MELK: variants seen among roughly 807,000 people sequenced by gnomAD.
The protein encoded by MELK is pEg3 kinase.
MELK carries 81 observed loss-of-function variants against 85.0 expected under a neutral mutation model. That is an observed-to-expected ratio of 0.95 (90% CI 0.80 to 1.15). MELK has a LOEUF of 1.15. Among genes scored for constraint, MELK ranks in the 50% most tolerant of loss-of-function variants. The pLI, the probability that MELK is intolerant of heterozygous loss-of-function variation, is 0.00. For synonymous variants in MELK, 252 were observed against 265.0 expected, an observed-to-expected ratio of 0.95 and a Z score of 0.48; for missense variants, 754 against 777.5, an observed-to-expected ratio of 0.97 and a Z score of 0.36.
chr9:36,579,064 G>T (rs948099496), intron 1 of MELK, among the ~76,000 whole-genome samples: 3 of 151,576 alleles, frequency 2.0e-5, no homozygotes, highest in African/African-American at 7.3e-5. Flanking sequence ...TTTCGCTCTT[G>T]TTGCCCAGGC....
At chr9:36,641,830 C>T (rs1391556794) in intron 10 of MELK, among the ~76,000 whole-genome samples, 1 of 152,122 alleles carries the variant, frequency 6.6e-6, no homozygotes, top group Non-Finnish European at 1.5e-5. Flanking sequence ...TGGTCTCCAA[C>T]TCCCAACCTA....
intron 2 of MELK, among the ~76,000 whole-genome samples, chr9:36,583,156 G>A (rs769506357): frequency 2.0e-5 from 3 of 151,816 alleles, no homozygotes; most frequent in Non-Finnish European, 4.4e-5. Context: ...TGCATTTTTA[G>A]TAGAGACGGA....
At chr9:36,592,146 C>T (rs778602819) in intron 4 of MELK, among the ~76,000 whole-genome samples, 5 of 151,728 alleles carry the variant, frequency 3.3e-5, no homozygotes, top group East Asian at 1.9e-4. Flanking sequence ...GCAACTATGC[C>T]CCACCCTAGT....
intron 13 of MELK, among the ~76,000 whole-genome samples, chr9:36,659,708 C>A (rs889162982): frequency 6.6e-6 from 1 of 152,222 alleles, no homozygotes; most frequent in Middle Eastern, 3.2e-3. Flanking sequence ...AGGCAGCTGA[C>A]AACTCTGCAT....
intron 3 of MELK, among the ~76,000 whole-genome samples, chr9:36,586,560 A>G (rs1048610583): frequency 1.3e-5 from 2 of 152,186 alleles, no homozygotes; most frequent in African/African-American, 4.8e-5. Context: ...AGAAAAAAGC[A>G]TTAAAACCAT....
intron 7 of MELK, 87 bp from the exon 8 acceptor site, chr9:36,607,488 T>C: frequency 4.1e-6 from 4 of 971,604 alleles, no homozygotes; most frequent in Non-Finnish European, 6.5e-6. Flanking sequence ...TTTGCGACAA[T>C]TCTGTGATTG....
rs1234471786 is a variant in MELK at position 36,643,033 on chromosome 9, T to C, written c.871T>C (p.Ser291Pro). The stretch of plus-strand genomic sequence containing the variant: ...CGATGATGATTGCGTAACAGAACTT[T>C]CTGTACATCACAGAAACAACAGGCA... Reference protein sequence around the residue: ...HLDDDCVTELSVHHRNNRQTM... With the variant: ...HLDDDCVTELPVHHRNNRQTM... Residue 291 changes from serine to proline, a missense_variant, in exon 11 of 18, where the codon TCT becomes CCT. Transcript: ENST00000298048. 1.2e-6 allele frequency: 2 copies of C among 1,613,004 alleles called. No individual in the cohort carries two copies. The highest frequency in any genetic ancestry group is 1.7e-4 in the Middle Eastern group (1 of 6,056).
In MELK at chr9:36,618,350, A is replaced by G. The variant is rs965924895; in HGVS notation, c.666+10677A>G. On this transcript the variant is annotated intron_variant, in intron 8 of 17. Transcript: ENST00000298048. Reference sequence around the variant, plus strand: ...TTTGAACCTGGGAGGCAGAGGTTGCAGTGAGCTGAGATTGCGCCACTGCAC... The same window carrying G: ...TTTGAACCTGGGAGGCAGAGGTTGCGGTGAGCTGAGATTGCGCCACTGCAC... Among the ~76,000 whole-genome samples, 5 of 150,670 alleles carry G rather than the reference A, an allele frequency of 3.3e-5. No homozygotes were observed. The South Asian group carries it at 8.4e-4, about 25-fold the overall frequency.
Position 36,665,386 on chromosome 9 carries a change from T to A in MELK, c.1213T>A (p.Ser405Thr). Residue 405 changes from serine to threonine, a missense_variant, in exon 14 of 18, where the codon TCT becomes ACT. Coordinates refer to ENST00000298048, the MANE Select transcript of MELK (RefSeq NM_014791.4). The part of the protein sequence containing the change: ...KYWTESNGVE[S>T]KSLTPALCRT... Reference sequence around the variant, plus strand: ...CTGGACAGAATCAAATGGGGTGGAATCTAAATCATTAACTCCAGCCTTATG... The same window carrying A: ...CTGGACAGAATCAAATGGGGTGGAAACTAAATCATTAACTCCAGCCTTATG... 6.2e-7 allele frequency: 1 copy of A among 1,613,586 alleles called. No individual in the cohort carries two copies. The highest frequency in any genetic ancestry group is 8.5e-7 in the Non-Finnish European group (1 of 1,179,738).
Position 36,665,349 on chromosome 9 carries a change from G to A in MELK, c.1177-1G>A. 6.3e-7 allele frequency: 1 copy of A among 1,576,590 alleles called. No homozygotes were observed. The highest frequency in any genetic ancestry group is 1.9e-5 in the Admixed American group (1 of 52,032). On this transcript the variant is annotated splice_acceptor_variant, in intron 13 of 17. Coordinates refer to ENST00000298048, the MANE Select transcript of MELK (RefSeq NM_014791.4). LOFTEE classifies it high-confidence loss of function. Reference sequence around the variant, plus strand: ...TTTATCTAGTAACTTTTTTTTTCCAGTTTACCAAGTACTGGACAGAATCAA... The same window carrying A: ...TTTATCTAGTAACTTTTTTTTTCCAATTTACCAAGTACTGGACAGAATCAA...
At chr9:36,615,261 T>C (rs1587440500) in intron 8 of MELK, among the ~76,000 whole-genome samples, 1 of 100,110 alleles carries the variant, frequency 1.0e-5, no homozygotes, top group African/African-American at 4.7e-5. Flanking sequence ...CCCCCCCACC[T>C]CCCTCCCAGA....
chr9:36,676,777 T>G (rs894575941), intron 17 of MELK, among the ~76,000 whole-genome samples: 2 of 152,232 alleles, frequency 1.3e-5, no homozygotes, highest in African/African-American at 4.8e-5. Context: ...ATTATCTTTC[T>G]TGCGCTTTCC....
intron 7 of MELK, among the ~76,000 whole-genome samples, chr9:36,606,327 A>G (rs1452369780): frequency 6.8e-6 from 1 of 146,372 alleles, no homozygotes; most frequent in African/African-American, 2.5e-5. Context: ...AGGTGTGTAT[A>G]TAATATATAC....
intron 3 of MELK, 37 bp downstream of exon 3, chr9:36,583,749 A>G (rs1822516754): frequency 6.9e-7 from 1 of 1,446,282 alleles, no homozygotes; most frequent in Admixed American, 1.8e-5. Context: ...GTCCACTTAT[A>G]GATCAGTTTC....
chr9:36,669,284 G>A (rs373382972), intron 14 of MELK, 26 bp from the exon 15 acceptor site: 1 of 1,476,184 alleles, frequency 6.8e-7, no homozygotes, highest in African/African-American at 1.4e-5. Flanking sequence ...GCTGCATATG[G>A]ATTGTGTTTG....
intron 3 of MELK, among the ~76,000 whole-genome samples, chr9:36,588,191 G>A (rs950630731): frequency 3.3e-5 from 5 of 150,448 alleles, no homozygotes; most frequent in Non-Finnish European, 7.4e-5. Flanking sequence ...AGAGTAGCTG[G>A]GATTACAGAC....
intron 5 of MELK, among the ~76,000 whole-genome samples, chr9:36,596,468 AG>A (rs1261456008): frequency 2.6e-5 from 4 of 151,336 alleles, no homozygotes; most frequent in Non-Finnish European, 4.4e-5. Flanking sequence ...CGTGTTAGCC[AG>A]GATGGTCTTG....
intron 7 of MELK, among the ~76,000 whole-genome samples, chr9:36,600,043 T>C (rs1824744130): frequency 6.6e-6 from 1 of 152,186 alleles, no homozygotes; most frequent in South Asian, 2.1e-4. Context: ...GCTCAGGAAG[T>C]GCTCAAACAG....
At chr9:36,670,615 G>A (rs1253527160) in intron 15 of MELK, among the ~76,000 whole-genome samples, 3 of 151,238 alleles carry the variant, frequency 2.0e-5, no homozygotes, top group Non-Finnish European at 4.4e-5. Flanking sequence ...ATATACATAT[G>A]TACATTAATA....
Sources: allele counts gnomAD v4.1 joint callset (sites outside exome capture counted in the v4.1 genomes callset), GRCh38; gene constraint gnomAD v4.1.1; transcripts MANE v1.5; gene names NCBI Gene and HGNC (gene_info 2026-07-23, HGNC 2026-07-21).